CRMP1: variants seen among roughly 807,000 people sequenced by gnomAD.
CRMP1 encodes collapsin response mediator protein 1.
In CRMP1, 19 loss-of-function variants were observed where a neutral mutation model predicts 68.3. That is an observed-to-expected ratio of 0.28 (90% CI 0.19 to 0.41). The LOEUF (loss-of-function observed/expected upper bound fraction) is 0.41. CRMP1 is among the 10% of genes least tolerant of loss of function. The pLI, the probability that CRMP1 is intolerant of heterozygous loss-of-function variation, is 1.00. For missense variants in CRMP1, 791 were observed against 967.4 expected (o/e 0.82, Z 2.42); for synonymous variants, 439 against 399.6 (o/e 1.10, Z -1.18).
chr4:5,867,573 C>A (rs776964113), intron 1 of CRMP1, among the ~76,000 whole-genome samples: 1 of 152,344 alleles, frequency 6.6e-6, no homozygotes, highest in Admixed American at 6.5e-5. Context: ...CACATCCACT[C>A]ACTCATCCAA....
At chr4:5,849,009 T>C (rs1280665100) in intron 6 of CRMP1, among the ~76,000 whole-genome samples, 4 of 152,184 alleles carry the variant, frequency 2.6e-5, no homozygotes, top group Admixed American at 2.6e-4. Context: ...TATCATTTGA[T>C]CCACACAATA....
Position 5,889,799 on chromosome 4 carries a change from A to C in CRMP1, c.381+2790T>G. ...CTGGGGCCCTGACCTTCACCACCCC[A>C]GGGGCCAGTCCCCTAATCCAGGGCA... is the stretch of plus-strand genomic sequence containing the variant. On this transcript the variant is annotated intron_variant, in intron 1 of 13. Transcript: ENST00000324989. This position sits in a 1 kb window ranked among gnomAD's most constrained non-coding sequence, Gnocchi z 4.5. 6.6e-7 allele frequency: 1 copy of C among 1,521,904 alleles called. No homozygotes were observed. The highest frequency in any genetic ancestry group is 8.8e-7 in the Non-Finnish European group (1 of 1,137,996). 94.3% of individuals were successfully genotyped at this position (1,521,904 alleles called of 1,614,324 possible).
Position 5,825,306 on chromosome 4 carries a change from C to A in CRMP1, c.1969+188G>T, listed in dbSNP as rs982235455. The A allele has an allele frequency of 2.0e-6, 2 of 985,194 alleles. No homozygotes were observed. The highest frequency in any genetic ancestry group is 2.4e-6 in the Non-Finnish European group (2 of 829,914). The allele number at this position is 985,194 out of a possible 1,614,324, so 61.0% of individuals were successfully genotyped here. On this transcript the variant is annotated intron_variant, in intron 13 of 13. Transcript: ENST00000324989. The surrounding 1 kb of genome is among the most constrained non-coding windows in gnomAD (Gnocchi z 4.4). ...ATGTTGCCCCCCTAACATGGACCCC[C>A]CTCTGCTTGGTGACCATGCCAGCCC...
intron 11 of CRMP1, among the ~76,000 whole-genome samples, chr4:5,833,496 G>A (rs1720520944): frequency 6.6e-6 from 1 of 152,070 alleles, no homozygotes; most frequent in Admixed American, 6.5e-5. Context: ...AATTTCTTTT[G>A]TTTAAACCAC....
In CRMP1 at chr4:5,888,150, G is replaced by A; in HGVS notation, c.381+4439C>T. 9.0e-6 allele frequency: 11 copies of A among 1,226,452 alleles called. No homozygotes were observed. Among genetic ancestry groups the A allele is most frequent in the Non-Finnish European group, 1.0e-5 (10 of 982,894 alleles). 76.0% of individuals were successfully genotyped at this position (1,226,452 alleles called of 1,614,324 possible). A position where few individuals can be genotyped will look rare whatever the true frequency, so the allele number is the denominator to read the frequency against. Reference sequence around the variant, plus strand: ...CGGGGGGCGCCCCTGCCGGCGCCCCGTGGATCTGGACCCTGCCGGGCGCCC... The same window carrying A: ...CGGGGGGCGCCCCTGCCGGCGCCCCATGGATCTGGACCCTGCCGGGCGCCC... On this transcript the variant is annotated intron_variant, in intron 1 of 13. Coordinates refer to ENST00000324989, the MANE Select transcript of CRMP1 (RefSeq NM_001014809.3). The surrounding 1 kb of genome is among the most constrained non-coding windows in gnomAD (Gnocchi z 6.4).
intron 2 of CRMP1, among the ~76,000 whole-genome samples, chr4:5,862,565 G>C (rs962239719): frequency 6.6e-6 from 1 of 152,180 alleles, no homozygotes; most frequent in Non-Finnish European, 1.5e-5. Flanking sequence ...GCGCATCACG[G>C]CTTCTCTCAT....
At chr4:5,848,505 C>T (rs976437772) in intron 6 of CRMP1, among the ~76,000 whole-genome samples, 10 of 152,140 alleles carry the variant, frequency 6.6e-5, no homozygotes, top group Non-Finnish European at 1.5e-4. Flanking sequence ...CATTCTTTTC[C>T]CAACAAATTC....
chr4:5,888,800 T>C lies in CRMP1; in HGVS notation c.381+3789A>G, dbSNP rs1339581853. ...CGCCACAGGTGTGTGGCCGCGCGTC[T>C]GGAGGCCTCCCCGGAACATCTGCGG... On this transcript the variant is annotated intron_variant, in intron 1 of 13. Coordinates refer to ENST00000324989, the MANE Select transcript of CRMP1 (RefSeq NM_001014809.3). This position sits in a 1 kb window ranked among gnomAD's most constrained non-coding sequence, Gnocchi z 6.4. Among the ~76,000 whole-genome samples the C allele has an allele frequency of 6.6e-6, 1 of 151,726 alleles. No homozygotes were observed. The highest frequency in any genetic ancestry group is 2.1e-4 in the South Asian group (1 of 4,798).
rs71171489 is a variant in CRMP1, at chr4:5,842,428, CAAAAA to C, written c.1032+660_1032+664del. Among the ~76,000 whole-genome samples the C allele has an allele frequency of 1.0e-5, 1 of 99,102 alleles. No homozygotes were observed. Among genetic ancestry groups the C allele is most frequent in the Admixed American group, 1.1e-4 (1 of 8,712 alleles). The allele number at this position is 99,102 out of a possible 152,430, so 65.0% of individuals were successfully genotyped here. ...TGGGCAACAGAGAGAGACTCCATCT[CAAAAA>C]AAAAAAAAAAAAAAGAAAAGAAAGA... On this transcript the variant is annotated intron_variant, in intron 7 of 13. Transcript: ENST00000324989. This position sits in a 1 kb window ranked among gnomAD's most constrained non-coding sequence, Gnocchi z 4.5.
chr4:5,879,443 TC>T lies in CRMP1; in HGVS notation c.382-12688del, dbSNP rs1454365960. On this transcript the variant is annotated intron_variant, in intron 1 of 13. Coordinates refer to ENST00000324989, the MANE Select transcript of CRMP1 (RefSeq NM_001014809.3). The surrounding 1 kb of genome is among the most constrained non-coding windows in gnomAD (Gnocchi z 4.2). ...CCAGCTCATTGTAATATATCTTATT[TC>T]CCCCATGAGACTGAAATCCTTGGCA... 1.3e-5 allele frequency among the ~76,000 whole-genome samples: 2 copies of T among 152,174 alleles called. No homozygotes were observed. Among genetic ancestry groups the T allele is most frequent in the East Asian group, 3.9e-4 (2 of 5,194 alleles).
intron 5 of CRMP1, among the ~76,000 whole-genome samples, chr4:5,851,078 T>C (rs1712583208): frequency 6.6e-6 from 1 of 152,216 alleles, no homozygotes. Context: ...TTTCGGGAAG[T>C]ACAGGCTCCT....
At chr4:5,884,482 G>GCACACACACA (rs59746322) in intron 1 of CRMP1, among the ~76,000 whole-genome samples, 57,456 of 150,036 alleles carry the variant, frequency 0.38, 13,580 homozygotes, top group East Asian at 0.72. Flanking sequence ...AACTATGCAT[G>GCACACACACA]CACACACACA....
At chr4:5,833,150 C>A (rs1020742408) in intron 11 of CRMP1, among the ~76,000 whole-genome samples, 1 of 136,940 alleles carries the variant, frequency 7.3e-6, no homozygotes, top group Admixed American at 7.1e-5. Flanking sequence ...CAACTTCTAC[C>A]TTCCAGAACT....
chr4:5,839,547 C>T lies in CRMP1; in HGVS notation c.1285G>A (p.Asp429Asn), dbSNP rs577291213. 5.9e-5 allele frequency: 95 copies of T among 1,610,596 alleles called. No homozygotes were observed. Among genetic ancestry groups the T allele is most frequent in the Admixed American group, 1.8e-4 (11 of 59,546 alleles). ...PPLSPDPTTP[D>N]YLTSLLACGD... ...CAGGCCAGTAGGGAGGTCAAGTAGT[C>T]GGGCGTGGTAGGGTCCGGGCTCAGG... The change falls in exon 9 of 14, where the codon GAC becomes AAC. Residue 429 changes from aspartate to asparagine, a missense_variant. Physicochemically the swap from Asp to Asn is conservative, Grantham distance 23. Coordinates refer to ENST00000324989, the MANE Select transcript of CRMP1 (RefSeq NM_001014809.3).
chr4:5,838,459 C>T lies in CRMP1; in HGVS notation c.1310+1063G>A, dbSNP rs573465093. 3.8e-4 allele frequency among the ~76,000 whole-genome samples: 58 copies of T among 152,072 alleles called. No individual in the cohort carries two copies. Among genetic ancestry groups the T allele is most frequent in the East Asian group, 2.3e-3 (12 of 5,164 alleles). The stretch of plus-strand genomic sequence containing the variant: ...TGTGATGGGTAGGGTGGGGTGGGCC[C>T]GTGTGGAAATAGAAAGTCTTGGTCG... On this transcript the variant is annotated intron_variant, in intron 9 of 13. Transcript: ENST00000324989. This position sits in a 1 kb window ranked among gnomAD's most constrained non-coding sequence, Gnocchi z 4.9.
At position 5,854,453 on chromosome 4, in the gene CRMP1, C is replaced by T. The variant is rs980738308; in HGVS notation, c.820+1690G>A. Among the ~76,000 whole-genome samples the T allele has an allele frequency of 9.1e-5, 13 of 143,556 alleles. No individual in the cohort carries two copies. Among genetic ancestry groups the T allele is most frequent in the Non-Finnish European group, 1.9e-4 (13 of 66,706 alleles). The allele number at this position is 143,556 out of a possible 152,430, so 94.2% of individuals were successfully genotyped here. ...AGAGTCGTGGTCTCACTATGTTGCC[C>T]AGGCTGGTCTCAAACTCCAGGCCTC... On this transcript the variant is annotated intron_variant, in intron 4 of 13. Coordinates refer to ENST00000324989, the MANE Select transcript of CRMP1 (RefSeq NM_001014809.3). This position sits in a 1 kb window ranked among gnomAD's most constrained non-coding sequence, Gnocchi z 4.0.
intron 11 of CRMP1, among the ~76,000 whole-genome samples, chr4:5,831,240 C>G (rs1720363709): frequency 6.6e-6 from 1 of 152,158 alleles, no homozygotes; most frequent in Non-Finnish European, 1.5e-5. Context: ...AACCACCACG[C>G]CAGGCCAAGT....
intron 1 of CRMP1, among the ~76,000 whole-genome samples, chr4:5,880,483 A>G (rs1178929988): frequency 1.3e-5 from 2 of 152,182 alleles, no homozygotes; most frequent in Non-Finnish European, 2.9e-5. Context: ...ATCAGATCCA[A>G]TGAGTCTTCC....
chr4:5,826,758 G>T, intron 12 of CRMP1: 1 of 152,890 alleles, frequency 6.5e-6, no homozygotes, highest in Non-Finnish European at 1.5e-5. Context: ...CTCCATATCA[G>T]GTGACAGTGC....
Sources: allele counts gnomAD v4.1 joint callset (sites outside exome capture counted in the v4.1 genomes callset), GRCh38; gene constraint gnomAD v4.1.1; non-coding constraint Gnocchi (gnomAD v3.1); transcripts MANE v1.5; gene names NCBI Gene and HGNC (gene_info 2026-07-23, HGNC 2026-07-21).